Variants in LIN28B observed in about 807,000 individuals in gnomAD.
LIN28B encodes the protein protein lin-28 homolog B.
A neutral mutation model predicts 21.9 loss-of-function variants in LIN28B; 5 were observed. The ratio of observed to expected loss-of-function variants is 0.23; its 90% CI spans 0.12 to 0.48. The LOEUF (loss-of-function observed/expected upper bound fraction) is 0.48. Ranked by LOEUF, LIN28B falls within the 20% of genes least tolerant of loss-of-function variation. LIN28B has a pLI of 0.98. For missense variants in LIN28B, 245 were observed against 310.5 expected (o/e 0.79, Z 1.58); for synonymous variants, 109 against 111.3 (o/e 0.98, Z 0.13).
At chr6:105,076,606 CT>C (rs999162368) in intron 3 of LIN28B, among the ~76,000 whole-genome samples, 1 of 151,576 alleles carries the variant, frequency 6.6e-6, no homozygotes, top group Non-Finnish European at 1.5e-5. Context: ...TCAGTTAACA[CT>C]TTTTTTGTTG....
At chr6:105,054,748 TC>T (rs1771987644) in intron 3 of LIN28B, among the ~76,000 whole-genome samples, 1 of 152,202 alleles carries the variant, frequency 6.6e-6, no homozygotes, top group Admixed American at 6.5e-5. Context: ...CCAGGGGACT[TC>T]TTGCCACTTT....
chr6:104,958,694 A>C (rs1182993273), intron 2 of LIN28B, among the ~76,000 whole-genome samples: 1 of 152,200 alleles, frequency 6.6e-6, no homozygotes, highest in Non-Finnish European at 1.5e-5. Context: ...GTGGAAAGAA[A>C]TGTATAGATT....
intron 3 of LIN28B, among the ~76,000 whole-genome samples, chr6:105,069,084 GGT>G (rs1347031668): frequency 6.6e-6 from 1 of 152,076 alleles, no homozygotes; most frequent in African/African-American, 2.4e-5. Context: ...TGGGTGTGGT[GGT>G]GCACACCTAT....
intron 2 of LIN28B, among the ~76,000 whole-genome samples, chr6:105,019,882 A>T (rs999125833): frequency 1.3e-5 from 2 of 152,120 alleles, no homozygotes; most frequent in South Asian, 2.1e-4. Flanking sequence ...TCAGCCTGCC[A>T]TCTTGAACTG....
chr6:105,018,287 TA>T (rs902138386), intron 2 of LIN28B, among the ~76,000 whole-genome samples: 8 of 151,258 alleles, frequency 5.3e-5, no homozygotes, highest in East Asian at 1.9e-4. Context: ...CCCTTACTCT[TA>T]AAAAAAAATA....
At chr6:104,962,564 T>G (rs985161644) in intron 2 of LIN28B, among the ~76,000 whole-genome samples, 1 of 152,162 alleles carries the variant, frequency 6.6e-6, no homozygotes, top group Non-Finnish European at 1.5e-5. Context: ...CAGTATGAGA[T>G]ATGAAAACAT....
chr6:104,987,877 G>A (rs1770379968), intron 2 of LIN28B, among the ~76,000 whole-genome samples: 1 of 152,002 alleles, frequency 6.6e-6, no homozygotes, highest in South Asian at 2.1e-4. Flanking sequence ...CCGAGTAGCT[G>A]GGATTACAGG....
upstream of LIN28B, among the ~76,000 whole-genome samples, chr6:104,954,972 C>T (rs534996771): frequency 6.6e-6 from 1 of 152,290 alleles, no homozygotes; most frequent in South Asian, 2.1e-4. Context: ...CTAAACTATA[C>T]TGGCCTGTGA....
At chr6:104,977,916 G>T (rs1446557117) in intron 2 of LIN28B, among the ~76,000 whole-genome samples, 1 of 151,912 alleles carries the variant, frequency 6.6e-6, no homozygotes, top group Non-Finnish European at 1.5e-5. Context: ...CTTGAACAAT[G>T]AAAAAAAGCA....
intron 2 of LIN28B, among the ~76,000 whole-genome samples, chr6:104,976,244 A>G (rs1287187987): frequency 6.6e-6 from 1 of 152,212 alleles, no homozygotes; most frequent in Admixed American, 6.5e-5. Flanking sequence ...CACACAAATG[A>G]AAGTAAAATT....
At position 105,079,732 on chromosome 6, in the gene LIN28B, G is replaced by A. The variant is rs1772505069; in HGVS notation, c.*949G>A. On this transcript the variant is annotated 3_prime_UTR_variant, in exon 4 of 4. Transcript: ENST00000345080. ...TTCTACCCATTGCTTAGAGCAGGGA[G>A]CCCTCCTTATTTACTACTGAAGACC... is the stretch of plus-strand genomic sequence containing the variant. 1 of 152,334 alleles carries A rather than the reference G, an allele frequency of 6.6e-6. No homozygotes were observed. Among genetic ancestry groups the A allele is most frequent in the Middle Eastern group, 3.4e-3 (1 of 294 alleles). 9.4% of individuals were successfully genotyped at this position (152,334 alleles called of 1,614,324 possible).
At chr6:104,992,592 A>G (rs1582883849) in intron 2 of LIN28B, among the ~76,000 whole-genome samples, 1 of 151,324 alleles carries the variant, frequency 6.6e-6, no homozygotes, top group South Asian at 2.1e-4. Context: ...TTCAGCCTTA[A>G]CTTCCCAGGC....
intron 2 of LIN28B, among the ~76,000 whole-genome samples, chr6:105,020,319 G>C (rs1322434718): frequency 1.3e-5 from 2 of 150,924 alleles, no homozygotes; most frequent in African/African-American, 4.9e-5. Context: ...GGTTTGTTGG[G>C]AAGAGGAAAG....
chr6:105,026,051 G>C (rs1243601236), intron 2 of LIN28B, among the ~76,000 whole-genome samples: 2 of 151,950 alleles, frequency 1.3e-5, no homozygotes, highest in Non-Finnish European at 2.9e-5. Flanking sequence ...TGGAATTGCT[G>C]GGACAAAGAA....
At chr6:104,970,394 A>G (rs1769951056) in intron 2 of LIN28B, among the ~76,000 whole-genome samples, 1 of 152,202 alleles carries the variant, frequency 6.6e-6, no homozygotes, top group African/African-American at 2.4e-5. Context: ...TGCTTAAGTC[A>G]TGTGACTTCC....
chr6:105,047,230 G>A (rs187228409), intron 3 of LIN28B, among the ~76,000 whole-genome samples: 3,648 of 152,008 alleles, frequency 0.024, 143 homozygotes, highest in African/African-American at 0.082. Flanking sequence ...TCAGCTTTCT[G>A]CATATGGCTA....
At chr6:104,998,883 A>G (rs1770665559) in intron 2 of LIN28B, among the ~76,000 whole-genome samples, 1 of 152,152 alleles carries the variant, frequency 6.6e-6, no homozygotes, top group Non-Finnish European at 1.5e-5. Flanking sequence ...TTTTAACTAT[A>G]TTTTTATTAC....
chr6:104,999,663 C>T (rs2114287475), intron 2 of LIN28B, among the ~76,000 whole-genome samples: 1 of 152,110 alleles, frequency 6.6e-6, no homozygotes, highest in South Asian at 2.1e-4. Context: ...TTTACCCTGT[C>T]TTATGGTGCT....
chr6:104,984,004 CCAAT>C (rs2114256421), intron 2 of LIN28B, among the ~76,000 whole-genome samples: 1 of 152,292 alleles, frequency 6.6e-6, no homozygotes, highest in Admixed American at 6.5e-5. Context: ...CTTGCCGGCA[CCAAT>C]CCTCATACCA....
Sources: gnomAD v4.1 joint callset for allele counts (sites outside exome capture counted in the v4.1 genomes callset) on GRCh38, gnomAD v4.1.1 for gene constraint, MANE v1.5 for transcripts, NCBI Gene and HGNC (gene_info 2026-07-23, HGNC 2026-07-21) for gene names.